Variants in TCF12 observed in about 807,000 individuals in gnomAD.
TCF12 encodes DNA-binding protein HTF4.
Under a neutral mutation model 86.0 loss-of-function variants are expected in TCF12, and 45 were observed. That is an observed-to-expected ratio of 0.52 (90% CI 0.41 to 0.67). The LOEUF (loss-of-function observed/expected upper bound fraction) is 0.67, where lower values mean the gene tolerates loss of function less well. Among genes scored for constraint, TCF12 ranks in the 30% least tolerant of loss-of-function variants. The pLI, the probability that TCF12 is intolerant of heterozygous loss-of-function variation, is 0.00. For synonymous variants in TCF12, 330 were observed against 299.6 expected (o/e 1.10, Z -1.05); for missense variants, 881 against 859.9 (o/e 1.02, Z -0.31).
At chr15:57,281,186 A>C (rs1428808442) in intron 19 of TCF12, among the ~76,000 whole-genome samples, 1 of 150,680 alleles carries the variant, frequency 6.6e-6, no homozygotes, top group Non-Finnish European at 1.5e-5. Context: ...AGCCTTGACA[A>C]CTCTTGGGCT....
intron 5 of TCF12, among the ~76,000 whole-genome samples, chr15:57,146,824 T>C (rs1386189882): frequency 1.3e-5 from 2 of 151,790 alleles, no homozygotes; most frequent in African/African-American, 2.4e-5. Context: ...TTGGGAAGAG[T>C]GGATGATAAT....
At chr15:57,210,410 T>C (rs2058053064) in intron 8 of TCF12, among the ~76,000 whole-genome samples, 1 of 151,908 alleles carries the variant, frequency 6.6e-6, no homozygotes, top group South Asian at 2.1e-4. Context: ...TTAAACTTTG[T>C]AAACACTTTT....
At chr15:57,133,211 G>A (rs902006455) in intron 5 of TCF12, among the ~76,000 whole-genome samples, 2 of 152,204 alleles carry the variant, frequency 1.3e-5, no homozygotes, top group Non-Finnish European at 1.5e-5. Flanking sequence ...ATTGATCTGA[G>A]CCTGAACAGA....
chr15:57,203,666 T>A (rs569549012), intron 8 of TCF12, among the ~76,000 whole-genome samples: 2 of 152,320 alleles, frequency 1.3e-5, no homozygotes, highest in East Asian at 3.9e-4. Context: ...TCAAGTGTCA[T>A]GTTAAAGAGT....
chr15:57,142,193 AC>A (rs1268696233), intron 5 of TCF12, among the ~76,000 whole-genome samples: 39 of 152,256 alleles, frequency 2.6e-4, no homozygotes, highest in African/African-American at 8.9e-4. Context: ...TAGATAAAAG[AC>A]CCATTATCGC....
At chr15:56,952,067 G>A (rs1359284193) in intron 3 of TCF12, among the ~76,000 whole-genome samples, 1 of 152,074 alleles carries the variant, frequency 6.6e-6, no homozygotes, top group East Asian at 1.9e-4. Flanking sequence ...TGTATGATGA[G>A]CCACTGTTCC....
intron 2 of TCF12, 140 bp downstream of exon 2, chr15:56,920,128 G>A (rs1372462204): frequency 2.2e-6 from 2 of 899,430 alleles, no homozygotes; most frequent in Non-Finnish European, 3.5e-6. Context: ...TGCTTAAGCA[G>A]TAGTTCTCAG....
intron 5 of TCF12, among the ~76,000 whole-genome samples, chr15:57,092,722 C>T (rs2049068810): frequency 6.6e-6 from 1 of 151,772 alleles, no homozygotes; most frequent in Admixed American, 6.6e-5. Flanking sequence ...AAACTTTTAT[C>T]TGTTTTACCA....
At chr15:57,174,462 G>C (rs941136090) in intron 6 of TCF12, among the ~76,000 whole-genome samples, 3 of 152,216 alleles carry the variant, frequency 2.0e-5, no homozygotes, top group Non-Finnish European at 4.4e-5. Flanking sequence ...AGAATACTTA[G>C]TGATGAAAGA....
chr15:57,138,829 T>C (rs755869197), intron 5 of TCF12, among the ~76,000 whole-genome samples: 17 of 152,132 alleles, frequency 1.1e-4, no homozygotes, highest in South Asian at 4.1e-4. Context: ...GTGCTACCAA[T>C]TGATGTTTTC....
intron 3 of TCF12, among the ~76,000 whole-genome samples, chr15:57,023,798 C>T (rs1269961876): frequency 2.0e-5 from 3 of 152,040 alleles, no homozygotes; most frequent in Non-Finnish European, 4.4e-5. Flanking sequence ...TTTTTGGCAC[C>T]AGGAACTGGT....
chr15:57,221,724 A>T (rs1838130214), intron 8 of TCF12, among the ~76,000 whole-genome samples: 1 of 152,042 alleles, frequency 6.6e-6, no homozygotes, highest in African/African-American at 2.4e-5. Context: ...AAATCATAAG[A>T]CCCTAGACTT....
chr15:56,930,873 G>A (rs1382703905), intron 3 of TCF12, among the ~76,000 whole-genome samples: 4 of 152,106 alleles, frequency 2.6e-5, no homozygotes, highest in Non-Finnish European at 5.9e-5. Context: ...CTGAAGGGAG[G>A]CCATTGACAT....
At position 57,255,319 on chromosome 15, in the gene TCF12, C is replaced by A. The variant is rs531074629; in HGVS notation, c.1467+1851C>A. ...TAGTCCTCCAAAGCCACCTAGAAAC[C>A]TAGTGCATTTTAGAAGACTGTTAGA... On this transcript the variant is annotated intron_variant, in intron 16 of 20. Coordinates refer to ENST00000333725, the MANE Select transcript of TCF12 (RefSeq NM_207037.2). Among the ~76,000 whole-genome samples the A allele has an allele frequency of 1.2e-4, 18 of 152,218 alleles. 1 individual carries two copies. The South Asian group carries it at 3.7e-3, about 32-fold the overall frequency.
In TCF12 at chr15:57,252,407, C is replaced by A. The variant is rs534985599; in HGVS notation, c.1189-14C>A. On this transcript the variant is annotated splice_polypyrimidine_tract_variant and intron_variant, in intron 14 of 20. Coordinates refer to ENST00000333725, the MANE Select transcript of TCF12 (RefSeq NM_207037.2). ...ACCTGTGCTTTGCCTCCTGTTCTGT[C>A]TTGACTTTGCCAGAAAAATCGAGTT... 9.9e-6 allele frequency: 16 copies of A among 1,612,934 alleles called. No individual in the cohort carries two copies. The South Asian group carries it at 1.8e-4, about 18-fold the overall frequency.
intron 18 of TCF12, among the ~76,000 whole-genome samples, chr15:57,266,212 G>A (rs1404560312): frequency 6.6e-6 from 1 of 151,896 alleles, no homozygotes; most frequent in Admixed American, 6.6e-5. Flanking sequence ...CAAGTAGCTG[G>A]GATTACAGGC....
intron 7 of TCF12, among the ~76,000 whole-genome samples, chr15:57,195,812 G>A (rs189519457): frequency 1.3e-5 from 2 of 152,220 alleles, no homozygotes; most frequent in Admixed American, 1.3e-4. Flanking sequence ...AAACCAGCCT[G>A]GGCAACATAG....
intron 3 of TCF12, among the ~76,000 whole-genome samples, chr15:56,982,141 C>A (rs2062924955): frequency 6.6e-6 from 1 of 152,126 alleles, no homozygotes. Flanking sequence ...GTCTACAAAG[C>A]TCCAGAGACT....
intron 1 of TCF12, 100 bp from the exon 2 acceptor site, chr15:56,919,792 C>T (rs1026181432): frequency 3.2e-5 from 34 of 1,060,978 alleles, no homozygotes; most frequent in Middle Eastern, 5.9e-4. Flanking sequence ...ATCCCGGCGC[C>T]CCCAGCGCTC....
Sources: gnomAD v4.1 joint callset for allele counts (sites outside exome capture counted in the v4.1 genomes callset) on GRCh38, gnomAD v4.1.1 for gene constraint, MANE v1.5 for transcripts, NCBI Gene and HGNC (gene_info 2026-07-23, HGNC 2026-07-21) for gene names.